Variants in CTNNBL1 observed in about 807,000 individuals in gnomAD.
CTNNBL1 encodes catenin beta like 1.
In CTNNBL1, 31 loss-of-function variants were observed where a neutral mutation model predicts 72.7. That is an observed-to-expected ratio of 0.43 (90% CI 0.32 to 0.58). The LOEUF is 0.58. Ranked by LOEUF, CTNNBL1 falls within the 20% of genes least tolerant of loss-of-function variation. The probability of loss-of-function intolerance (pLI) is 0.08; values close to 1 mark genes in which losing one functional copy is unlikely to be tolerated. For missense variants in CTNNBL1, 534 were observed against 725.1 expected, an observed-to-expected ratio of 0.74 and a Z score of 3.03; for synonymous variants, 240 against 267.3, an observed-to-expected ratio of 0.90 and a Z score of 1.00.
At position 37,859,901 on chromosome 20, in the gene CTNNBL1, C is replaced by T. The variant is rs754092837; in HGVS notation, c.1395C>T (p.Asp465=). The change falls in exon 14 of 16, where the codon GAC becomes GAT. Residue 465 remains aspartate (D), a splice_region_variant and synonymous_variant. Coordinates refer to ENST00000361383, the MANE Select transcript of CTNNBL1 (RefSeq NM_030877.5). The part of the protein sequence containing the change: ...ADKKIEGEKH[D]MVRRGEIIDN... ...CCTAAACGTTCATTTGTTTCTAGGA[C>T]ATGGTCCGGCGAGGAGAGATCATCG... The T allele has an allele frequency of 1.2e-6, 2 of 1,613,916 alleles. No homozygotes were observed. Among genetic ancestry groups the T allele is most frequent in the South Asian group, 2.2e-5 (2 of 91,036 alleles).
chr20:37,835,772 G>A (rs1190027752), intron 11 of CTNNBL1, among the ~76,000 whole-genome samples: 1 of 152,128 alleles, frequency 6.6e-6, no homozygotes, highest in Admixed American at 6.5e-5. Flanking sequence ...CCATGAATGG[G>A]GCGCTAGTTA....
In CTNNBL1 at chr20:37,779,339, T is replaced by A; in HGVS notation, c.1031+4T>A. On this transcript the variant is annotated splice_donor_region_variant and intron_variant, in intron 10 of 15. Transcript: ENST00000361383. ...AGCTGATGAATCTCATGCTCAGGTA[T>A]GTTTCGAATGCCCTAGTTCTCCCAC... The A allele has an allele frequency of 1.2e-6, 2 of 1,613,014 alleles. No individual in the cohort carries two copies. Among genetic ancestry groups the A allele is most frequent in the Non-Finnish European group, 1.7e-6 (2 of 1,179,194 alleles).
At chr20:37,867,462 A>G (rs1188942527) in intron 15 of CTNNBL1, among the ~76,000 whole-genome samples, 1 of 152,170 alleles carries the variant, frequency 6.6e-6, no homozygotes. Flanking sequence ...ATGTCTGAAT[A>G]GTAAACCTGC....
intron 5 of CTNNBL1, among the ~76,000 whole-genome samples, chr20:37,760,569 G>A (rs547288285): frequency 1.3e-5 from 2 of 152,354 alleles, no homozygotes; most frequent in Admixed American, 1.3e-4. Context: ...AGTGGTCAGA[G>A]CAGTGACTTT....
At chr20:37,847,529 G>A (rs368933845) in intron 13 of CTNNBL1, among the ~76,000 whole-genome samples, 4 of 152,238 alleles carry the variant, frequency 2.6e-5, no homozygotes, top group East Asian at 3.9e-4. Context: ...CTCTCCGAAC[G>A]ACTTGAAGCC....
At chr20:37,818,290 G>T (rs1280234062) in intron 11 of CTNNBL1, among the ~76,000 whole-genome samples, 1 of 151,942 alleles carries the variant, frequency 6.6e-6, no homozygotes, top group East Asian at 1.9e-4. Flanking sequence ...TGCAAATAAT[G>T]ATTTATGAAG....
chr20:37,827,581 C>G (rs2072170989), intron 11 of CTNNBL1, among the ~76,000 whole-genome samples: 1 of 152,144 alleles, frequency 6.6e-6, no homozygotes, highest in African/African-American at 2.4e-5. Context: ...TTCCCTTTTT[C>G]CCCTGAGAAA....
chr20:37,716,543 G>C (rs1486213195), intron 1 of CTNNBL1, among the ~76,000 whole-genome samples: 2 of 152,152 alleles, frequency 1.3e-5, no homozygotes, highest in Non-Finnish European at 2.9e-5. Flanking sequence ...AGCTTTAGTG[G>C]TTTGTAAAGC....
chr20:37,861,838 C>T (rs1161490040), intron 15 of CTNNBL1, among the ~76,000 whole-genome samples: 1 of 152,110 alleles, frequency 6.6e-6, no homozygotes, highest in Non-Finnish European at 1.5e-5. Flanking sequence ...TACAAAATAC[C>T]AGGAAGATCA....
At chr20:37,814,811 A>G (rs573400413) in intron 11 of CTNNBL1, among the ~76,000 whole-genome samples, 1 of 152,330 alleles carries the variant, frequency 6.6e-6, no homozygotes, top group Admixed American at 6.5e-5. Context: ...GAATTCTCAC[A>G]GTACAAGCCT....
At chr20:37,804,000 G>A (rs184853882) in intron 11 of CTNNBL1, among the ~76,000 whole-genome samples, 1 of 152,128 alleles carries the variant, frequency 6.6e-6, no homozygotes, top group East Asian at 1.9e-4. Context: ...TCCCAACTTG[G>A]AGTGGCTAAA....
chr20:37,738,501 T>C (rs2073188267), intron 3 of CTNNBL1, among the ~76,000 whole-genome samples: 1 of 151,484 alleles, frequency 6.6e-6, no homozygotes, highest in Admixed American at 6.5e-5. Context: ...ACGATTTTAA[T>C]GTTCTAAACC....
At chr20:37,702,144 G>A (rs1049541053) in intron 1 of CTNNBL1, among the ~76,000 whole-genome samples, 5 of 152,172 alleles carry the variant, frequency 3.3e-5, no homozygotes, top group Non-Finnish European at 7.3e-5. Flanking sequence ...GTCTCCTAAA[G>A]TGCTGGGATT....
intron 1 of CTNNBL1, among the ~76,000 whole-genome samples, chr20:37,732,017 G>T (rs1375327392): frequency 1.3e-5 from 2 of 152,078 alleles, no homozygotes; most frequent in Non-Finnish European, 2.9e-5. Context: ...GTATTAATTT[G>T]TGTTTCCATC....
chr20:37,808,003 T>C (rs2071974592), intron 11 of CTNNBL1, among the ~76,000 whole-genome samples: 2 of 152,206 alleles, frequency 1.3e-5, no homozygotes, highest in African/African-American at 4.8e-5. Flanking sequence ...TCATTAGGTA[T>C]GTGAGTTATT....
intron 11 of CTNNBL1, among the ~76,000 whole-genome samples, chr20:37,819,839 A>T (rs2072089838): frequency 6.6e-6 from 1 of 151,254 alleles, no homozygotes; most frequent in Admixed American, 6.6e-5. Context: ...TGTCATCTTT[A>T]AAATCTACTA....
intron 4 of CTNNBL1, among the ~76,000 whole-genome samples, chr20:37,748,349 C>T (rs150541154): frequency 6.6e-6 from 1 of 152,248 alleles, no homozygotes; most frequent in African/African-American, 2.4e-5. Flanking sequence ...TGTTAGCTCC[C>T]AGATTTATGA....
At chr20:37,802,318 A>G (rs1479146587) in intron 10 of CTNNBL1, among the ~76,000 whole-genome samples, 1 of 152,230 alleles carries the variant, frequency 6.6e-6, no homozygotes, top group African/African-American at 2.4e-5. Context: ...ATAAGAAAGA[A>G]CATAGATCAG....
At chr20:37,766,136 A>C (rs2073465696) in intron 6 of CTNNBL1, among the ~76,000 whole-genome samples, 1 of 152,196 alleles carries the variant, frequency 6.6e-6, no homozygotes, top group Admixed American at 6.5e-5. Flanking sequence ...AAGAAGGGGA[A>C]ACATGGGCAC....
Sources: gnomAD v4.1 joint callset for allele counts (sites outside exome capture counted in the v4.1 genomes callset) on GRCh38, gnomAD v4.1.1 for gene constraint, MANE v1.5 for transcripts, NCBI Gene and HGNC (gene_info 2026-07-23, HGNC 2026-07-21) for gene names.